Variants in TGFA observed in about 807,000 individuals in gnomAD.
The protein encoded by TGFA is transforming growth factor alpha, also known as protransforming growth factor alpha.
In TGFA, 12 loss-of-function variants were observed where a neutral mutation model predicts 21.7. The ratio of observed to expected loss-of-function variants is 0.55; its 90% confidence interval spans 0.35 to 0.90. The LOEUF (loss-of-function observed/expected upper bound fraction) is 0.90. Ranked by LOEUF, TGFA falls within the 40% of genes least tolerant of loss-of-function variation. TGFA has a pLI of 0.01. For synonymous variants in TGFA, 79 were observed against 88.1 expected (o/e 0.90, Z 0.58); for missense variants, 178 against 210.8 (o/e 0.84, Z 0.96).
intron 1 of TGFA, among the ~76,000 whole-genome samples, chr2:70,532,063 A>G (rs1168096015): frequency 2.0e-5 from 3 of 152,244 alleles, no homozygotes; most frequent in African/African-American, 7.2e-5. Context: ...ACACAAGAAT[A>G]TCAACAGCTA....
In TGFA at chr2:70,539,479, G is replaced by A. The variant is rs556115958; in HGVS notation, c.40+14249C>T. Among the ~76,000 whole-genome samples the A allele has an allele frequency of 7.2e-4, 109 of 152,236 alleles. No homozygotes were observed. In the Middle Eastern group the frequency reaches 0.014, roughly 19 times the overall value. Reference sequence around the variant, plus strand: ...TATTTTTGTTTGTTTGTTTGAGGTGGAGTCTCACTCTGTCGCCCAGGCTGG... The same window carrying A: ...TATTTTTGTTTGTTTGTTTGAGGTGAAGTCTCACTCTGTCGCCCAGGCTGG... On this transcript the variant is annotated intron_variant, in intron 1 of 5. Transcript: ENST00000295400.
intron 2 of TGFA, chr2:70,467,680 C>T (rs889250921): frequency 3.7e-4 from 56 of 152,142 alleles, no homozygotes; most frequent in African/African-American, 1.3e-3. Context: ...AATCCATGTT[C>T]CTGGAGCTCT....
intron 1 of TGFA, among the ~76,000 whole-genome samples, chr2:70,548,268 C>T (rs1673377484): frequency 6.6e-6 from 1 of 152,112 alleles, no homozygotes. Flanking sequence ...TGCTGAGGCT[C>T]GGCCTGTGCT....
At chr2:70,525,387 C>T (rs1022678173) in intron 1 of TGFA, among the ~76,000 whole-genome samples, 14 of 152,164 alleles carry the variant, frequency 9.2e-5, no homozygotes, top group African/African-American at 3.4e-4. Context: ...CACTGTCCAC[C>T]TTGGGGGCTG....
intron 2 of TGFA, among the ~76,000 whole-genome samples, chr2:70,490,585 G>A (rs1283343595): frequency 2.0e-5 from 3 of 152,146 alleles, no homozygotes; most frequent in East Asian, 3.8e-4. Flanking sequence ...AATCTTTCCC[G>A]CTTAGAAAGG....
intron 1 of TGFA, among the ~76,000 whole-genome samples, chr2:70,536,814 C>A (rs781977463): frequency 7.2e-5 from 11 of 152,238 alleles, no homozygotes; most frequent in Non-Finnish European, 1.5e-4. Flanking sequence ...CAATTAAGTG[C>A]AAAGTAAACA....
intron 2 of TGFA, among the ~76,000 whole-genome samples, chr2:70,487,974 T>C (rs1204568110): frequency 6.6e-6 from 1 of 152,256 alleles, no homozygotes; most frequent in African/African-American, 2.4e-5. Context: ...GTTCCAATGC[T>C]AGATATTTTT....
chr2:70,500,676 A>G (rs1261066517), intron 2 of TGFA, among the ~76,000 whole-genome samples: 1 of 152,188 alleles, frequency 6.6e-6, no homozygotes, highest in Non-Finnish European at 1.5e-5. Context: ...GCAGTAAAAC[A>G]GACTGTCTGG....
chr2:70,486,741 C>T (rs782219844), intron 2 of TGFA, among the ~76,000 whole-genome samples: 6 of 151,934 alleles, frequency 3.9e-5, no homozygotes, highest in Non-Finnish European at 7.4e-5. Flanking sequence ...GAATTATAGG[C>T]GTGAGCTACC....
chr2:70,529,381 A>T (rs1371802077), intron 1 of TGFA, among the ~76,000 whole-genome samples: 1 of 152,212 alleles, frequency 6.6e-6, no homozygotes, highest in Non-Finnish European at 1.5e-5. Context: ...GAGTAAGGAG[A>T]CACTGTTCCA....
chr2:70,511,437 G>A (rs1345807355), intron 2 of TGFA, among the ~76,000 whole-genome samples: 4 of 152,164 alleles, frequency 2.6e-5, no homozygotes, highest in African/African-American at 9.7e-5. Context: ...ACTCAGCAGA[G>A]ACATGAATAC....
In TGFA at chr2:70,465,690, G is replaced by A. The variant is rs1339563687; in HGVS notation, c.141C>T (p.Cys47=). 1 of 1,614,174 alleles carries A rather than the reference G, an allele frequency of 6.2e-7. No individual in the cohort carries two copies. The highest frequency in any genetic ancestry group is 1.7e-5 in the Admixed American group (1 of 60,016). Reference sequence around the variant, plus strand: ...AGCAGAACTGAGTGTGGGAATCTGGGCAGTCATTAAAATGGGACACCACTG... The same window carrying A: ...AGCAGAACTGAGTGTGGGAATCTGGACAGTCATTAAAATGGGACACCACTG... ...AAAVVSHFND[C]PDSHTQFCFH... Residue 47 remains cysteine (C), a synonymous_variant, in exon 3 of 6, where the codon TGC becomes TGT. Coordinates refer to ENST00000295400, the MANE Select transcript of TGFA (RefSeq NM_003236.4).
chr2:70,538,145 T>G (rs1673028832), intron 1 of TGFA, among the ~76,000 whole-genome samples: 2 of 152,224 alleles, frequency 1.3e-5, no homozygotes, highest in Non-Finnish European at 2.9e-5. Flanking sequence ...ATGGAATATT[T>G]TAAGCCCACT....
At chr2:70,504,104 G>A (rs1671824961) in intron 2 of TGFA, among the ~76,000 whole-genome samples, 1 of 152,128 alleles carries the variant, frequency 6.6e-6, no homozygotes, top group Non-Finnish European at 1.5e-5. Flanking sequence ...ACAAGTCAGT[G>A]TTTGTTGAGT....
chr2:70,521,616 TG>T (rs370601279), intron 1 of TGFA, among the ~76,000 whole-genome samples: 43 of 92,422 alleles, frequency 4.7e-4, no homozygotes, highest in East Asian at 9.8e-4. Context: ...GTTGTTTGTT[TG>T]TTTTTTTTTT....
At chr2:70,545,048 G>A (rs1026947946) in intron 1 of TGFA, among the ~76,000 whole-genome samples, 17 of 152,156 alleles carry the variant, frequency 1.1e-4, no homozygotes, top group African/African-American at 4.1e-4. Context: ...AGGGATAAAT[G>A]CTTGAGGTCA....
chr2:70,453,189 T>C (rs782650087), intron 5 of TGFA, 29 bp downstream of exon 5: 1 of 1,593,332 alleles, frequency 6.3e-7, no homozygotes, highest in Non-Finnish European at 8.6e-7. Flanking sequence ...CACCCAATAG[T>C]GTCTCCCACC....
intron 2 of TGFA, among the ~76,000 whole-genome samples, chr2:70,507,263 C>T (rs1671955194): frequency 6.6e-6 from 1 of 152,228 alleles, no homozygotes; most frequent in African/African-American, 2.4e-5. Context: ...GCAGCCACTG[C>T]CTCTTCTTTC....
chr2:70,469,931 C>A (rs1289493710), intron 2 of TGFA, among the ~76,000 whole-genome samples: 5 of 152,228 alleles, frequency 3.3e-5, no homozygotes, highest in Admixed American at 3.3e-4. Flanking sequence ...TCTCATTTAA[C>A]CCCTATTGAT....
Sources: allele counts gnomAD v4.1 joint callset (sites outside exome capture counted in the v4.1 genomes callset), GRCh38; gene constraint gnomAD v4.1.1; transcripts MANE v1.5; gene names NCBI Gene and HGNC (gene_info 2026-07-23, HGNC 2026-07-21).